The following UPB1 variants were observed in gnomAD, a reference collection of about 807,000 sequenced individuals.
UPB1 encodes the protein beta-ureidopropionase 1, also known as beta-ureidopropionase.
In UPB1, 40 loss-of-function variants were observed where a neutral mutation model predicts 49.1. The observed-to-expected ratio is 0.81, with a 90% CI of 0.63 to 1.06. UPB1 has a LOEUF of 1.06. Among genes scored for constraint, UPB1 ranks in the 50% least tolerant of loss-of-function variants. UPB1 has a pLI of 0.00. For synonymous variants in UPB1, 207 were observed against 198.2 expected, an observed-to-expected ratio of 1.04 and a Z score of -0.38; for missense variants, 499 against 505.9, an observed-to-expected ratio of 0.99 and a Z score of 0.13.
chr22:24,527,078 T>C lies in UPB1; in HGVS notation c.*1284T>C, dbSNP rs1378609575. 1 of 152,120 alleles carries C rather than the reference T, an allele frequency of 6.6e-6. No homozygotes were observed. Among genetic ancestry groups the C allele is most frequent in the Non-Finnish European group, 1.5e-5 (1 of 68,030 alleles). The allele number at this position is 152,120 out of a possible 1,614,324, so 9.4% of individuals were successfully genotyped here. A position where few individuals can be genotyped will look rare whatever the true frequency, so the allele number is the denominator to read the frequency against. On this transcript the variant is annotated 3_prime_UTR_variant, in exon 10 of 10. Transcript: ENST00000326010. Reference sequence around the variant, plus strand: ...CTGTAAAATGGGACTGGGCCAGGTGTGGTGGGGTGGCTTATGCCTGTGATC... The same window carrying C: ...CTGTAAAATGGGACTGGGCCAGGTGCGGTGGGGTGGCTTATGCCTGTGATC...
chr22:24,502,600 T>C, intron 3 of UPB1: 1 of 728,266 alleles, frequency 1.4e-6, no homozygotes, highest in Non-Finnish European at 2.5e-6. Flanking sequence ...CCTGGTAGTA[T>C]GTACCTTTGT....
chr22:24,528,119 AAAAACAAAAC>A lies in UPB1; in HGVS notation c.*2337_*2346del, dbSNP rs371216788. 8.5e-5 allele frequency: 13 copies of A among 152,276 alleles called. No individual in the cohort carries two copies. The highest frequency in any genetic ancestry group is 2.4e-4 in the African/African-American group (10 of 41,458). The allele number at this position is 152,276 out of a possible 1,614,324, so 9.4% of individuals were successfully genotyped here. A position where few individuals can be genotyped will look rare whatever the true frequency, so the allele number is the denominator to read the frequency against. On this transcript the variant is annotated 3_prime_UTR_variant, in exon 10 of 10. Coordinates refer to ENST00000326010, the MANE Select transcript of UPB1 (RefSeq NM_016327.3). ...GGCGACAGAGTGAGACTCCGTCTCA[AAAAACAAAAC>A]AAAACAAAACACCTTAGTGTTTTTG...
chr22:24,497,851 C>T (rs949467611), intron 1 of UPB1, among the ~76,000 whole-genome samples: 2 of 152,156 alleles, frequency 1.3e-5, no homozygotes, highest in African/African-American at 4.8e-5. Context: ...TCTGTTTCCC[C>T]AAAGGTCTGT....
Position 24,515,337 on chromosome 22 carries a change from T to C in UPB1, c.758T>C (p.Ile253Thr). Residue 253 changes from isoleucine to threonine, a missense_variant, in exon 6 of 10, where the codon ATC (isoleucine) becomes ACC (threonine). Ile to Thr is a moderately conservative substitution (Grantham distance 89). Coordinates refer to ENST00000326010, the MANE Select transcript of UPB1 (RefSeq NM_016327.3). ...TACAGCATCAACGGGGCTGAGATCA[T>C]CTTCAACCCCTCGGCCACGATAGGA... is the stretch of plus-strand genomic sequence containing the variant. ...LMYSINGAEI[I>T]FNPSATIGAL... The C allele has an allele frequency of 6.2e-7, 1 of 1,614,090 alleles. No individual in the cohort carries two copies. The highest frequency in any genetic ancestry group is 1.3e-5 in the African/African-American group (1 of 75,022).
At chr22:24,517,995 T>C in intron 6 of UPB1, among the ~76,000 whole-genome samples, 1 of 152,166 alleles carries the variant, frequency 6.6e-6, no homozygotes, top group East Asian at 1.9e-4. Flanking sequence ...TGAAACCTCA[T>C]CTCTACTAAA....
At chr22:24,508,079 C>T (rs569670476) in intron 3 of UPB1, among the ~76,000 whole-genome samples, 10 of 152,298 alleles carry the variant, frequency 6.6e-5, no homozygotes, top group Non-Finnish European at 1.2e-4. Flanking sequence ...TCACATATGC[C>T]TGGCATTTAG....
chr22:24,525,368 C>T (rs1054628324), intron 9 of UPB1, among the ~76,000 whole-genome samples: 6 of 152,208 alleles, frequency 3.9e-5, no homozygotes, highest in Non-Finnish European at 5.9e-5. Context: ...CTACAACTGG[C>T]TAGTGACCTG....
Position 24,513,411 on chromosome 22 carries a change from G to A in UPB1, c.547G>A (p.Val183Met), listed in dbSNP as rs2147026212. ...GGATGTTTTGTGGAATACAGCCGTG[G>A]TGATCTCCAATTCCGGAGCAGTCCT... The part of the protein sequence containing the change: ...HGDVLWNTAV[V>M]ISNSGAVLGK... The change falls in exon 5 of 10, where the codon GTG becomes ATG. Residue 183 changes from valine to methionine, a missense_variant. By Grantham distance (21) the Val-to-Met change is conservative. Coordinates refer to ENST00000326010, the MANE Select transcript of UPB1 (RefSeq NM_016327.3). 2.5e-6 allele frequency: 4 copies of A among 1,614,164 alleles called. No homozygotes were observed. The highest frequency in any genetic ancestry group is 3.4e-6 in the Non-Finnish European group (4 of 1,180,026).
At chr22:24,520,333 ACTGAGTCTG>A (rs2044365314) in intron 6 of UPB1, 45 bp from the exon 7 acceptor site, 6 of 1,593,942 alleles carry the variant, frequency 3.8e-6, no homozygotes, top group Admixed American at 1.7e-5. Context: ...CTGAGCATCC[ACTGAGTCTG>A]CCTGGAAAGT....
At position 24,526,094 on chromosome 22, in the gene UPB1, C is replaced by T. The variant is rs1442363645; in HGVS notation, c.*300C>T. On this transcript the variant is annotated 3_prime_UTR_variant, in exon 10 of 10. Transcript: ENST00000326010. ...TTACCTCAACTAAAAAAAAAAATGC[C>T]CAGGTACTGCTTGTGCAGGTGGATT... is the stretch of plus-strand genomic sequence containing the variant. 1.2e-5 allele frequency: 5 copies of T among 401,646 alleles called. No homozygotes were observed. In the East Asian group the frequency reaches 2.3e-4, roughly 18 times the overall value. 24.9% of individuals were successfully genotyped at this position (401,646 alleles called of 1,614,324 possible). A position where few individuals can be genotyped will look rare whatever the true frequency, so the allele number is the denominator to read the frequency against.
intron 6 of UPB1, chr22:24,520,113 C>A: frequency 1.9e-6 from 1 of 526,964 alleles, no homozygotes; most frequent in South Asian, 2.0e-5. Flanking sequence ...CAGAGCACAG[C>A]CACGTGGCTT....
Position 24,523,728 on chromosome 22 carries a change from C to T in UPB1, c.1026C>T (p.Leu342=), listed in dbSNP as rs201859426. ...RSRDGLLVAK[L]DLNLCQQVND... is the part of the protein sequence containing the mutation. ...GGGATGGACTGCTAGTTGCTAAGCTCGACCTAAACCTCTGCCAGCAGGTGA... is the reference window on the plus strand; with the variant it reads ...GGGATGGACTGCTAGTTGCTAAGCTTGACCTAAACCTCTGCCAGCAGGTGA... The change falls in exon 9 of 10, where the codon CTC becomes CTT. Residue 342 remains leucine, a synonymous_variant. Coordinates refer to ENST00000326010, the MANE Select transcript of UPB1 (RefSeq NM_016327.3). 1.7e-4 allele frequency: 281 copies of T among 1,614,254 alleles called. No homozygotes were observed. Among genetic ancestry groups the T allele is most frequent in the Non-Finnish European group, 2.2e-4 (265 of 1,180,048 alleles).
chr22:24,516,186 CTT>C (rs1186225465), intron 6 of UPB1, among the ~76,000 whole-genome samples: 1 of 152,140 alleles, frequency 6.6e-6, no homozygotes, highest in Non-Finnish European at 1.5e-5. Flanking sequence ...GGAAACTTGT[CTT>C]TAACCAGAGA....
intron 8 of UPB1, among the ~76,000 whole-genome samples, chr22:24,522,943 T>TA (rs747503249): frequency 0.23 from 15,377 of 66,130 alleles, 1,572 homozygotes; most frequent in African/African-American, 0.29. Flanking sequence ...AAATGCCACC[T>TA]AAAAAAAAAA....
intron 9 of UPB1, among the ~76,000 whole-genome samples, chr22:24,525,207 A>T (rs1245154680): frequency 6.6e-6 from 1 of 152,018 alleles, no homozygotes; most frequent in Admixed American, 6.6e-5. Flanking sequence ...CCACCTTGGG[A>T]AAGGAGGGAG....
intron 1 of UPB1, among the ~76,000 whole-genome samples, chr22:24,499,191 G>T (rs1001557425): frequency 1.3e-5 from 2 of 152,186 alleles, no homozygotes; most frequent in East Asian, 1.9e-4. Context: ...GGGCTGACAG[G>T]GCTGTGATTT....
intron 3 of UPB1, chr22:24,502,466 T>C: frequency 1.3e-6 from 1 of 780,988 alleles, no homozygotes; most frequent in Non-Finnish European, 2.4e-6. Flanking sequence ...CACCACCTGG[T>C]CCAAGCCCCT....
chr22:24,504,904 ATTTTTTTTTTTT>A (rs56198043), intron 3 of UPB1, among the ~76,000 whole-genome samples: 1 of 109,364 alleles, frequency 9.1e-6, no homozygotes, highest in Non-Finnish European at 1.9e-5. Flanking sequence ...ATTTTCTTGA[ATTTTTTTTTTTT>A]TTTTTTTTTG....
chr22:24,515,139 C>G, intron 5 of UPB1, 62 bp from the exon 6 acceptor site: 1 of 1,606,438 alleles, frequency 6.2e-7, no homozygotes, highest in Non-Finnish European at 8.5e-7. Context: ...TTCAGTTTTT[C>G]TGCTGAGTCT....
Sources: allele counts gnomAD v4.1 joint callset (sites outside exome capture counted in the v4.1 genomes callset), GRCh38; gene constraint gnomAD v4.1.1; transcripts MANE v1.5; gene names NCBI Gene and HGNC (gene_info 2026-07-23, HGNC 2026-07-21).